FBXO34: variants seen among roughly 807,000 people sequenced by gnomAD.
The protein encoded by FBXO34 is F-box protein 34.
Under a neutral mutation model 24.5 loss-of-function variants are expected in FBXO34, and 12 were observed. The ratio of observed to expected loss-of-function variants is 0.49; its 90% CI spans 0.31 to 0.79. The LOEUF (loss-of-function observed/expected upper bound fraction) is 0.79. FBXO34 is among the 30% of genes least tolerant of loss of function. The pLI is 0.04. For missense variants in FBXO34, 823 were observed against 857.7 expected (o/e 0.96, Z 0.51); for synonymous variants, 320 against 311.9 (o/e 1.03, Z -0.27).
chr14:55,319,469 A>C (rs754909319), intron 1 of FBXO34, among the ~76,000 whole-genome samples: 4 of 152,072 alleles, frequency 2.6e-5, no homozygotes, highest in African/African-American at 9.7e-5. Context: ...TTCTTCCCTC[A>C]CTATGGTTTG....
At chr14:55,403,564 C>T in the FBXO34 span, among the ~76,000 whole-genome samples, 1 of 151,010 alleles carries the variant, frequency 6.6e-6, no homozygotes, top group Non-Finnish European at 1.5e-5. Flanking sequence ...CATGAAGTGA[C>T]CTGAATGATT....
chr14:55,439,190 C>T, the FBXO34 span, among the ~76,000 whole-genome samples: 3 of 150,950 alleles, frequency 2.0e-5, no homozygotes, highest in African/African-American at 4.9e-5. Flanking sequence ...CCACGTGCCT[C>T]GGCCTCCCAA....
chr14:55,383,550 C>CAAAAAAAAAAAAAAAAAAAAAAAAAAA, the FBXO34 span, among the ~76,000 whole-genome samples: 1 of 150,922 alleles, frequency 6.6e-6, no homozygotes, highest in Admixed American at 6.6e-5. Context: ...GACTCCATCT[C>CAAAAAAAAAAAAAAAAAAAAAAAAAAA]AAAAAAACAC....
chr14:55,279,019 G>C (rs927231291), intron 1 of FBXO34, among the ~76,000 whole-genome samples: 1 of 152,098 alleles, frequency 6.6e-6, no homozygotes, highest in Non-Finnish European at 1.5e-5. Flanking sequence ...AGTGAAGGCC[G>C]GGCGTGGTGG....
In FBXO34 at chr14:55,352,474, A is replaced by G. The variant is rs765201566; in HGVS notation, c.2084A>G (p.Asn695Ser). ...NHWVPACHSFNRAIHKKAKGT... is the reference protein window; with the variant it reads ...NHWVPACHSFSRAIHKKAKGT... ...TGGGTTCCTGCCTGCCACAGCTTTA[A>G]TCGGGCAATCCATAAGAAAGCAAAA... The change falls in exon 2 of 2, where the codon AAT becomes AGT. Residue 695 changes from asparagine to serine, a missense_variant. By Grantham distance (46) the Asn-to-Ser change is conservative (BLOSUM62 1). Coordinates refer to ENST00000313833, the MANE Select transcript of FBXO34 (RefSeq NM_017943.4). 7.4e-6 allele frequency: 12 copies of G among 1,613,850 alleles called. No homozygotes were observed. In the South Asian group the frequency reaches 1.3e-4, roughly 18 times the overall value.
intron 1 of FBXO34, among the ~76,000 whole-genome samples, chr14:55,283,930 T>A (rs1182976599): frequency 2.0e-5 from 3 of 148,228 alleles, no homozygotes; most frequent in Non-Finnish European, 3.0e-5. Context: ...AACGTGACTT[T>A]ACATTCTAAG....
chr14:55,365,180 C>T (rs1884652451), downstream of FBXO34, among the ~76,000 whole-genome samples: 1 of 145,046 alleles, frequency 6.9e-6, no homozygotes, highest in South Asian at 2.2e-4. Context: ...CACTACACTG[C>T]AGCCTGGGCA....
At chr14:55,303,123 C>T (rs1882419881) in intron 1 of FBXO34, among the ~76,000 whole-genome samples, 1 of 130,898 alleles carries the variant, frequency 7.6e-6, no homozygotes, top group African/African-American at 2.7e-5. Flanking sequence ...TTTCTCTTTA[C>T]AGGCCTTTTT....
chr14:55,371,803 C>T (rs772811738), downstream of FBXO34, among the ~76,000 whole-genome samples: 22 of 149,764 alleles, frequency 1.5e-4, no homozygotes, highest in Non-Finnish European at 2.4e-4. Flanking sequence ...GACTCTGTCT[C>T]AAAAAACAAA....
chr14:55,336,836 A>T (rs1883793332), intron 1 of FBXO34, among the ~76,000 whole-genome samples: 1 of 151,384 alleles, frequency 6.6e-6, no homozygotes, highest in Non-Finnish European at 1.5e-5. Context: ...AAAAAAAAAA[A>T]TGCTATACAC....
chr14:55,389,869 A>G, the FBXO34 span, among the ~76,000 whole-genome samples: 7 of 152,216 alleles, frequency 4.6e-5, no homozygotes, highest in East Asian at 1.3e-3. Context: ...TTCTAAGAGA[A>G]TTCATTTTGA....
At chr14:55,284,805 AG>A (rs1352705701) in intron 1 of FBXO34, among the ~76,000 whole-genome samples, 2 of 149,398 alleles carry the variant, frequency 1.3e-5, no homozygotes, top group African/African-American at 4.9e-5. Flanking sequence ...TTGTAGAGAT[AG>A]GGTTTCACGC....
chr14:55,414,412 G>A, the FBXO34 span: 2 of 1,609,118 alleles, frequency 1.2e-6, no homozygotes, highest in Non-Finnish European at 1.7e-6. Context: ...GAATAGGATA[G>A]ATGTTTTCAA....
intron 1 of FBXO34, among the ~76,000 whole-genome samples, chr14:55,293,661 T>G (rs1448684295): frequency 6.6e-6 from 1 of 152,070 alleles, no homozygotes; most frequent in Non-Finnish European, 1.5e-5. Flanking sequence ...AAAGTATTGC[T>G]TAGTAAATGG....
At chr14:55,429,527 G>A in the FBXO34 span, among the ~76,000 whole-genome samples, 2 of 152,190 alleles carry the variant, frequency 1.3e-5, no homozygotes, top group Non-Finnish European at 2.9e-5. Flanking sequence ...ACTTTGGGAG[G>A]CTGAGGCAGG....
At chr14:55,406,646 A>G in the FBXO34 span, among the ~76,000 whole-genome samples, 1 of 152,162 alleles carries the variant, frequency 6.6e-6, no homozygotes, top group Admixed American at 6.5e-5. Context: ...CTATTAGAAC[A>G]ATGGTCCTGG....
chr14:55,386,816 A>G, the FBXO34 span, among the ~76,000 whole-genome samples: 3 of 152,206 alleles, frequency 2.0e-5, no homozygotes, highest in Non-Finnish European at 4.4e-5. Flanking sequence ...GGCTGTAGCT[A>G]AACTTCACTT....
At chr14:55,336,547 G>T (rs993364851) in intron 1 of FBXO34, among the ~76,000 whole-genome samples, 1 of 152,074 alleles carries the variant, frequency 6.6e-6, no homozygotes, top group African/African-American at 2.4e-5. Flanking sequence ...CATTTGTTTA[G>T]TTCTCCTTTT....
intron 1 of FBXO34, among the ~76,000 whole-genome samples, chr14:55,296,689 C>T (rs1340839438): frequency 6.6e-6 from 1 of 151,994 alleles, no homozygotes; most frequent in Non-Finnish European, 1.5e-5. Context: ...AGCCACTGCG[C>T]CTGGCCGCTG....
Sources: allele counts gnomAD v4.1 joint callset (sites outside exome capture counted in the v4.1 genomes callset), GRCh38; gene constraint gnomAD v4.1.1; transcripts MANE v1.5; gene names NCBI Gene and HGNC (gene_info 2026-07-23, HGNC 2026-07-21).